SCYL2: variants seen among roughly 807,000 people sequenced by gnomAD.
The protein encoded by SCYL2 is SCY1-like protein 2.
In SCYL2, 36 loss-of-function variants were observed where a neutral mutation model predicts 100.4. The observed-to-expected ratio is 0.36, with a 90% confidence interval of 0.27 to 0.47. The LOEUF (loss-of-function observed/expected upper bound fraction) is 0.47, where lower values mean the gene tolerates loss of function less well. Among genes scored for constraint, SCYL2 ranks in the 20% least tolerant of loss-of-function variants. The pLI is 1.00. For synonymous variants in SCYL2, 330 were observed against 359.2 expected, an observed-to-expected ratio of 0.92 and a Z score of 0.92; for missense variants, 902 against 1,083.9, an observed-to-expected ratio of 0.83 and a Z score of 2.36.
In SCYL2 at chr12:100,324,171, A is replaced by C. The variant is rs137961931; in HGVS notation, c.1509+533A>C. 9.8e-5 allele frequency among the ~76,000 whole-genome samples: 15 copies of C among 152,318 alleles called. No individual in the cohort carries two copies. In the East Asian group the frequency reaches 2.9e-3, roughly 29 times the overall value. ...GGAAATAGTTACCTTCTTTGAATACAAAATTTTAACATTCAGTTACTTGTT... is the reference window on the plus strand; with the variant it reads ...GGAAATAGTTACCTTCTTTGAATACCAAATTTTAACATTCAGTTACTTGTT... On this transcript the variant is annotated intron_variant, in intron 11 of 17. Transcript: ENST00000360820.
At chr12:100,323,443 C>A in intron 10 of SCYL2, 82 bp from the exon 11 acceptor site, 1 of 787,690 alleles carries the variant, frequency 1.3e-6, no homozygotes, top group Non-Finnish European at 2.1e-6. Flanking sequence ...GACAGTTTAG[C>A]CATGCAAATG....
rs1211491770 is a variant in SCYL2 at position 100,305,754 on chromosome 12, G to A, written c.481-5290G>A. 1.6e-4 allele frequency among the ~76,000 whole-genome samples: 21 copies of A among 131,466 alleles called. No individual in the cohort carries two copies. In the East Asian group the frequency reaches 4.3e-3, roughly 27 times the overall value. The allele number at this position is 131,466 out of a possible 152,430, so 86.2% of individuals were successfully genotyped here. A position where few individuals can be genotyped will look rare whatever the true frequency, so the allele number is the denominator to read the frequency against. On this transcript the variant is annotated intron_variant, in intron 4 of 17. Transcript: ENST00000360820. Reference sequence around the variant, plus strand: ...TTTTTTTTTAAAGATTAACAAAATAGACTGCTAGCCAGACTAATAAAGAAG... The same window carrying A: ...TTTTTTTTTAAAGATTAACAAAATAAACTGCTAGCCAGACTAATAAAGAAG...
intron 1 of SCYL2, among the ~76,000 whole-genome samples, chr12:100,282,319 C>CTTTTTTTTTTTTT (rs1180915936): frequency 1.2e-5 from 1 of 85,608 alleles, no homozygotes; most frequent in Non-Finnish European, 2.3e-5. Flanking sequence ...CACTTTTAGT[C>CTTTTTTTTTTTTT]TTTTTTTTTT....
At chr12:100,317,626 G>T (rs1189521863) in intron 9 of SCYL2, 177 bp from the exon 10 acceptor site, 1 of 1,372,446 alleles carries the variant, frequency 7.3e-7, no homozygotes, top group Non-Finnish European at 9.4e-7. Context: ...TAAATATTGT[G>T]CCTCCAGAAA....
chr12:100,313,712 T>C (rs1296722142), intron 7 of SCYL2, among the ~76,000 whole-genome samples, 174 bp downstream of exon 7: 1 of 152,210 alleles, frequency 6.6e-6, no homozygotes, highest in Non-Finnish European at 1.5e-5. Flanking sequence ...CTTGAGTGTA[T>C]TAAATATTCA....
intron 13 of SCYL2, among the ~76,000 whole-genome samples, chr12:100,332,824 C>G (rs1440559145): frequency 2.0e-5 from 3 of 151,654 alleles, no homozygotes; most frequent in Non-Finnish European, 2.9e-5. Context: ...AAGTGATCCT[C>G]CCACCTCAGC....
intron 4 of SCYL2, among the ~76,000 whole-genome samples, chr12:100,305,078 A>C (rs181874460): frequency 1.3e-5 from 2 of 152,332 alleles, no homozygotes; most frequent in East Asian, 3.9e-4. Context: ...GCCCATTGTC[A>C]ATATTAGACA....
intron 4 of SCYL2, among the ~76,000 whole-genome samples, chr12:100,302,015 G>A (rs1460061686): frequency 1.3e-5 from 2 of 152,304 alleles, no homozygotes; most frequent in African/African-American, 2.4e-5. Flanking sequence ...TCAAGGCAGC[G>A]GGTCCCCTTT....
At chr12:100,293,188 C>A (rs1337868017) in intron 3 of SCYL2, among the ~76,000 whole-genome samples, 2 of 152,000 alleles carry the variant, frequency 1.3e-5, no homozygotes, top group Non-Finnish European at 2.9e-5. Flanking sequence ...GACTCCCGAG[C>A]TTGTGTGATC....
At position 100,335,674 on chromosome 12, in the gene SCYL2, A is replaced by C; in HGVS notation, c.1912A>C (p.Thr638Pro). ...QMNVSEEMKV[T>P]NIGNQQIDKV... The stretch of plus-strand genomic sequence containing the variant: ...GAATGTTTCTGAGGAGATGAAAGTT[A>C]CAAATATTGGGAATCAGGTAAGAAG... Residue 638 changes from threonine to proline, a missense_variant, in exon 15 of 18, where the codon ACA becomes CCA. Coordinates refer to ENST00000360820, the MANE Select transcript of SCYL2 (RefSeq NM_017988.6). 4 of 1,611,350 alleles carry C rather than the reference A, an allele frequency of 2.5e-6. No homozygotes were observed. The highest frequency in any genetic ancestry group is 3.4e-6 in the Non-Finnish European group (4 of 1,178,068).
intron 17 of SCYL2, 113 bp downstream of exon 17, chr12:100,337,619 A>G: frequency 9.7e-7 from 1 of 1,030,358 alleles, no homozygotes; most frequent in Non-Finnish European, 1.5e-6. Context: ...ATAATACCTT[A>G]ATATGTGGTT....
At chr12:100,270,187 C>G (rs531588808) in intron 1 of SCYL2, among the ~76,000 whole-genome samples, 5 of 152,120 alleles carry the variant, frequency 3.3e-5, no homozygotes, top group Non-Finnish European at 7.4e-5. Flanking sequence ...GGCGTTTCAC[C>G]GTGTTAGGCA....
chr12:100,316,876 C>T (rs2096349415), intron 9 of SCYL2, among the ~76,000 whole-genome samples: 1 of 152,164 alleles, frequency 6.6e-6, no homozygotes. Context: ...TCAAAGCAGG[C>T]AGATTGCTTG....
intron 3 of SCYL2, 30 bp downstream of exon 3, chr12:100,291,690 A>G: frequency 6.5e-7 from 1 of 1,533,292 alleles, no homozygotes; most frequent in Non-Finnish European, 8.7e-7. Flanking sequence ...TACATAGTAG[A>G]CTTCCTGAAC....
intron 4 of SCYL2, among the ~76,000 whole-genome samples, chr12:100,306,576 C>G (rs1235720340): frequency 6.6e-6 from 1 of 152,176 alleles, no homozygotes; most frequent in Non-Finnish European, 1.5e-5. Context: ...TGGAAGCATT[C>G]CTTTTGAAAA....
chr12:100,310,041 C>A (rs753330061), intron 4 of SCYL2, among the ~76,000 whole-genome samples: 2 of 151,728 alleles, frequency 1.3e-5, no homozygotes, highest in Non-Finnish European at 2.9e-5. Context: ...CTGTGTTGCC[C>A]AGGCTGGAGT....
intron 1 of SCYL2, among the ~76,000 whole-genome samples, chr12:100,276,381 A>G (rs1334991935): frequency 6.6e-6 from 1 of 151,978 alleles, no homozygotes. Flanking sequence ...CACGCAGGCC[A>G]GAGGAGAGTG....
intron 1 of SCYL2, among the ~76,000 whole-genome samples, chr12:100,278,441 C>T (rs2096294745): frequency 6.6e-6 from 1 of 152,016 alleles, no homozygotes; most frequent in African/African-American, 2.4e-5. Context: ...CTCAAGTGAT[C>T]CTCCCATCTC....
chr12:100,281,950 G>A (rs979579121), intron 1 of SCYL2, among the ~76,000 whole-genome samples: 1 of 152,136 alleles, frequency 6.6e-6, no homozygotes, highest in Non-Finnish European at 1.5e-5. Context: ...CTGTGAAAAG[G>A]GGTGGAAAAA....
Sources: allele counts gnomAD v4.1 joint callset (sites outside exome capture counted in the v4.1 genomes callset), GRCh38; gene constraint gnomAD v4.1.1; transcripts MANE v1.5; gene names NCBI Gene and HGNC (gene_info 2026-07-23, HGNC 2026-07-21).